The following MACROD2 variants were observed in gnomAD, a reference collection of about 807,000 sequenced individuals.
The protein encoded by MACROD2 is ADP-ribose glycohydrolase MACROD2.
Under a neutral mutation model 70.4 loss-of-function variants are expected in MACROD2, and 36 were observed. That is an observed-to-expected ratio of 0.51 (90% confidence interval 0.39 to 0.68). The LOEUF is 0.68. Ranked by LOEUF, MACROD2 falls within the 30% of genes least tolerant of loss-of-function variation. MACROD2 has a pLI of 0.00. For missense variants in MACROD2, 496 were observed against 538.4 expected (o/e 0.92, Z 0.78); for synonymous variants, 172 against 178.8 (o/e 0.96, Z 0.30).
chr20:14,904,131 T>C (rs1000875616), intron 5 of MACROD2, among the ~76,000 whole-genome samples: 1 of 152,154 alleles, frequency 6.6e-6, no homozygotes, highest in African/African-American at 2.4e-5. Flanking sequence ...CATACTGGGA[T>C]CTTAGTAGGC....
intron 8 of MACROD2, among the ~76,000 whole-genome samples, chr20:15,632,185 A>G (rs75115056): frequency 3.3e-5 from 5 of 151,614 alleles, no homozygotes; most frequent in African/African-American, 1.2e-4. Context: ...ATAAATAAAT[A>G]AAAATAAAAA....
intron 3 of MACROD2, among the ~76,000 whole-genome samples, chr20:14,287,416 C>T (rs1457362067): frequency 6.7e-6 from 1 of 149,212 alleles, no homozygotes; most frequent in Non-Finnish European, 1.5e-5. Flanking sequence ...TGATGATGAT[C>T]ATGGTGATGA....
intron 3 of MACROD2, among the ~76,000 whole-genome samples, chr20:14,278,822 A>G (rs2082280655): frequency 6.6e-6 from 1 of 151,926 alleles, no homozygotes; most frequent in African/African-American, 2.4e-5. Flanking sequence ...ATAATCAGTA[A>G]GTTTTAAGTA....
At chr20:15,031,992 C>T (rs2075278667) in intron 5 of MACROD2, among the ~76,000 whole-genome samples, 1 of 152,224 alleles carries the variant, frequency 6.6e-6, no homozygotes, top group African/African-American at 2.4e-5. Context: ...CCCTCCCACA[C>T]TCGTGAGTAC....
intron 3 of MACROD2, among the ~76,000 whole-genome samples, chr20:14,345,353 T>G (rs1423953154): frequency 6.6e-6 from 1 of 152,206 alleles, no homozygotes; most frequent in Non-Finnish European, 1.5e-5. Flanking sequence ...ATATCCTATG[T>G]GTTTTCAGTA....
chr20:14,950,911 C>T (rs1405595790), intron 5 of MACROD2, among the ~76,000 whole-genome samples: 1 of 152,104 alleles, frequency 6.6e-6, no homozygotes, highest in Non-Finnish European at 1.5e-5. Flanking sequence ...GACTTACTGG[C>T]CTATGGGATC....
At chr20:14,255,683 T>TAATTAATA (rs369859240) in intron 3 of MACROD2, among the ~76,000 whole-genome samples, 1,928 of 136,930 alleles carry the variant, frequency 0.014, 45 homozygotes, top group African/African-American at 0.046. Flanking sequence ...CTTAAAAGTA[T>TAATTAATA]AATAAATAAA....
intron 8 of MACROD2, among the ~76,000 whole-genome samples, chr20:15,696,781 AG>A (rs2050382496): frequency 6.9e-6 from 1 of 144,800 alleles, no homozygotes; most frequent in South Asian, 2.2e-4. Flanking sequence ...TTAAGCTAGG[AG>A]GGTTGTATTT....
intron 3 of MACROD2, among the ~76,000 whole-genome samples, chr20:14,491,226 C>T (rs562912288): frequency 1.3e-5 from 2 of 152,070 alleles, no homozygotes; most frequent in African/African-American, 4.8e-5. Flanking sequence ...ATTTTTATGT[C>T]ACTTTTGCTG....
intron 3 of MACROD2, among the ~76,000 whole-genome samples, chr20:14,372,412 T>C (rs1234214586): frequency 6.6e-6 from 1 of 151,862 alleles, no homozygotes; most frequent in Non-Finnish European, 1.5e-5. Context: ...GACTGTAACA[T>C]GGGAATAAAA....
At chr20:14,379,886 C>A (rs2083405707) in intron 3 of MACROD2, among the ~76,000 whole-genome samples, 1 of 151,956 alleles carries the variant, frequency 6.6e-6, no homozygotes, top group Admixed American at 6.6e-5. Flanking sequence ...TTGTTTCTAC[C>A]TTTTGGCTAT....
chr20:14,574,880 G>A (rs2423829), intron 4 of MACROD2, among the ~76,000 whole-genome samples: 77,062 of 145,458 alleles, frequency 0.53, 21,770 homozygotes, highest in East Asian at 0.64. Flanking sequence ...GCGCGGTGGC[G>A]GGCGCCTGTA....
At chr20:14,934,734 C>T (rs562112177) in intron 5 of MACROD2, among the ~76,000 whole-genome samples, 1 of 152,180 alleles carries the variant, frequency 6.6e-6, no homozygotes, top group African/African-American at 2.4e-5. Context: ...TTGCAGTGAC[C>T]AAGATTGTAC....
chr20:14,676,219 C>T (rs980787749), intron 4 of MACROD2, among the ~76,000 whole-genome samples: 4 of 152,170 alleles, frequency 2.6e-5, no homozygotes, highest in Admixed American at 2.6e-4. Context: ...CTACAGAACT[C>T]TCCACTCCAA....
chr20:14,985,444 GCCTC>G (rs1343426456), intron 5 of MACROD2, among the ~76,000 whole-genome samples: 1 of 152,042 alleles, frequency 6.6e-6, no homozygotes, highest in Non-Finnish European at 1.5e-5. Flanking sequence ...CTGTCCATTG[GCCTC>G]CCTTTGATTC....
At chr20:14,021,084 G>A (rs2053071808) in intron 2 of MACROD2, among the ~76,000 whole-genome samples, 1 of 147,736 alleles carries the variant, frequency 6.8e-6, no homozygotes, top group African/African-American at 2.5e-5. Flanking sequence ...CCGCCTCCCA[G>A]GTTCACACCA....
chr20:14,399,606 G>A (rs1263161286), intron 3 of MACROD2, among the ~76,000 whole-genome samples: 1 of 152,082 alleles, frequency 6.6e-6, no homozygotes, highest in Admixed American at 6.6e-5. Context: ...ATCCATAGTT[G>A]TCATGAAATT....
intron 4 of MACROD2, among the ~76,000 whole-genome samples, chr20:14,601,944 A>G (rs966090829): frequency 2.0e-5 from 3 of 152,168 alleles, no homozygotes; most frequent in African/African-American, 7.2e-5. Context: ...ATGATTAAGC[A>G]TCTCGCACCA....
chr20:16,038,221 G>A (rs144612319), intron 15 of MACROD2, among the ~76,000 whole-genome samples: 1 of 151,772 alleles, frequency 6.6e-6, no homozygotes, highest in East Asian at 1.9e-4. Context: ...ATTAGACTGA[G>A]TGATAGTTTT....
Sources: allele counts gnomAD v4.1 joint callset (sites outside exome capture counted in the v4.1 genomes callset), GRCh38; gene constraint gnomAD v4.1.1; transcripts MANE v1.5; gene names NCBI Gene and HGNC (gene_info 2026-07-23, HGNC 2026-07-21).